The following CTNNA3 variants were observed in gnomAD, a reference collection of about 807,000 sequenced individuals.
CTNNA3 encodes catenin alpha 3.
Under a neutral mutation model 95.7 loss-of-function variants are expected in CTNNA3, and 76 were observed. The ratio of observed to expected loss-of-function variants is 0.79; its 90% CI spans 0.66 to 0.96. CTNNA3 has a LOEUF of 0.96. CTNNA3 is among the 40% of genes least tolerant of loss of function. The pLI, the probability that CTNNA3 is intolerant of heterozygous loss-of-function variation, is 0.00. For synonymous variants in CTNNA3, 431 were observed against 374.4 expected, an observed-to-expected ratio of 1.15 and a Z score of -1.74; for missense variants, 1,191 against 1,089.8, an observed-to-expected ratio of 1.09 and a Z score of -1.31.
intron 13 of CTNNA3, among the ~76,000 whole-genome samples, chr10:66,276,841 C>A (rs2091408688): frequency 1.3e-5 from 2 of 152,104 alleles, no homozygotes; most frequent in African/African-American, 2.4e-5. Flanking sequence ...TTAAGCATTT[C>A]ATTTCTATTA....
At chr10:66,998,997 G>A (rs1272369536) in intron 7 of CTNNA3, among the ~76,000 whole-genome samples, 1 of 152,032 alleles carries the variant, frequency 6.6e-6, no homozygotes, top group Non-Finnish European at 1.5e-5. Context: ...CAGAACTTCT[G>A]TGCATATAAG....
chr10:67,050,665 A>G (rs1272230558), intron 7 of CTNNA3, among the ~76,000 whole-genome samples: 9 of 152,178 alleles, frequency 5.9e-5, no homozygotes, highest in African/African-American at 2.2e-4. Context: ...CCTGCATGGA[A>G]TTTAAACTAC....
rs1009649164 is a variant in CTNNA3, at chr10:66,172,593, T to C, written c.1885-69344A>G. On this transcript the variant is annotated intron_variant, in intron 13 of 17. Coordinates refer to ENST00000433211, the MANE Select transcript of CTNNA3 (RefSeq NM_013266.4). ...GATGACCATTATTTGCGAGAAAATT[T>C]CCAGGTAATTTTTCATTCATTGCAT... 8.5e-5 allele frequency among the ~76,000 whole-genome samples: 13 copies of C among 152,280 alleles called. No homozygotes were observed. The Middle Eastern group carries it at 0.017, about 199-fold the overall frequency.
chr10:66,290,248 T>C (rs946015765), intron 12 of CTNNA3, among the ~76,000 whole-genome samples: 4 of 152,060 alleles, frequency 2.6e-5, no homozygotes, highest in African/African-American at 9.6e-5. Flanking sequence ...GCAATAAGCT[T>C]TAAAACAAGG....
chr10:66,388,226 G>A (rs2092908662), intron 11 of CTNNA3, among the ~76,000 whole-genome samples: 1 of 152,144 alleles, frequency 6.6e-6, no homozygotes, highest in East Asian at 1.9e-4. Context: ...TTATATTGTA[G>A]AGCTATTTTC....
chr10:67,074,799 T>A (rs1415487212), intron 7 of CTNNA3, among the ~76,000 whole-genome samples: 1 of 151,240 alleles, frequency 6.6e-6, no homozygotes, highest in Admixed American at 6.6e-5. Context: ...CTTAATATTA[T>A]GAACATAACA....
At chr10:66,292,987 T>C (rs2091710819) in intron 12 of CTNNA3, among the ~76,000 whole-genome samples, 1 of 152,182 alleles carries the variant, frequency 6.6e-6, no homozygotes, top group African/African-American at 2.4e-5. Context: ...TATCCTTCTA[T>C]GCATTGTGTT....
intron 10 of CTNNA3, among the ~76,000 whole-genome samples, chr10:66,525,341 C>A (rs1366912012): frequency 6.6e-6 from 1 of 152,042 alleles, no homozygotes; most frequent in Non-Finnish European, 1.5e-5. Flanking sequence ...CACCACTGTT[C>A]CAAACACTTT....
chr10:66,146,349 A>C (rs913131033), intron 13 of CTNNA3, among the ~76,000 whole-genome samples: 1 of 152,194 alleles, frequency 6.6e-6, no homozygotes, highest in African/African-American at 2.4e-5. Flanking sequence ...CCTCAGTAGA[A>C]TATGATCTGG....
At chr10:66,089,856 G>T (rs1242132351) in intron 14 of CTNNA3, among the ~76,000 whole-genome samples, 1 of 151,726 alleles carries the variant, frequency 6.6e-6, no homozygotes, top group Non-Finnish European at 1.5e-5. Context: ...GGCACTCTTG[G>T]TGCTTCTTAC....
chr10:66,851,143 A>G (rs1843469681), intron 7 of CTNNA3, among the ~76,000 whole-genome samples: 3 of 152,070 alleles, frequency 2.0e-5, no homozygotes, highest in African/African-American at 7.2e-5. Flanking sequence ...ATTATTGCCT[A>G]TCTGAGCCCT....
rs572078160 is a variant in CTNNA3, at chr10:65,960,268, G to A, written c.2400+6344C>T. On this transcript the variant is annotated intron_variant, in intron 17 of 17. Coordinates refer to ENST00000433211, the MANE Select transcript of CTNNA3 (RefSeq NM_013266.4). ...TTCAGGGGGTACGGCTGGGTGCAGC[G>A]GCTCACACCTGTAATCCCAGCACTT... Among the ~76,000 whole-genome samples the A allele has an allele frequency of 1.9e-4, 29 of 150,314 alleles. No individual in the cohort carries two copies. In the South Asian group the frequency reaches 4.7e-3, roughly 24 times the overall value.
intron 7 of CTNNA3, among the ~76,000 whole-genome samples, chr10:67,069,795 A>G (rs1856332943): frequency 1.3e-5 from 2 of 152,126 alleles, no homozygotes; most frequent in African/African-American, 4.8e-5. Context: ...TACTGTATGA[A>G]TATTCAAATT....
chr10:67,580,428 G>T (rs1299504553), intron 3 of CTNNA3, among the ~76,000 whole-genome samples: 1 of 151,290 alleles, frequency 6.6e-6, no homozygotes, highest in Non-Finnish European at 1.5e-5. Context: ...TCCCTGTTTT[G>T]GTACCAGTAC....
chr10:67,370,605 T>C (rs1843389639), intron 5 of CTNNA3, among the ~76,000 whole-genome samples: 1 of 152,158 alleles, frequency 6.6e-6, no homozygotes, highest in Admixed American at 6.6e-5. Flanking sequence ...TATTGTTAAT[T>C]TCCCTTCATG....
intron 17 of CTNNA3, among the ~76,000 whole-genome samples, chr10:65,961,010 T>C (rs1292378661): frequency 6.6e-6 from 1 of 152,200 alleles, no homozygotes; most frequent in Non-Finnish European, 1.5e-5. Flanking sequence ...CGTTCTAACA[T>C]CACATTCTCT....
intron 5 of CTNNA3, among the ~76,000 whole-genome samples, chr10:67,475,332 T>C (rs1000452562): frequency 2.6e-5 from 4 of 152,220 alleles, no homozygotes; most frequent in Non-Finnish European, 4.4e-5. Context: ...ATATTTTTAT[T>C]GTGGTGGTAG....
intron 5 of CTNNA3, among the ~76,000 whole-genome samples, chr10:67,477,817 C>A (rs1848075068): frequency 6.6e-6 from 1 of 152,170 alleles, no homozygotes; most frequent in African/African-American, 2.4e-5. Flanking sequence ...CACACTAGCT[C>A]TCCAGCAATG....
chr10:66,037,457 A>G (rs545014787), intron 15 of CTNNA3, among the ~76,000 whole-genome samples: 9 of 152,348 alleles, frequency 5.9e-5, no homozygotes, highest in African/African-American at 2.2e-4. Context: ...ATCATAATTC[A>G]GCCCATTCTC....
Sources: gnomAD v4.1 joint callset for allele counts (sites outside exome capture counted in the v4.1 genomes callset) on GRCh38, gnomAD v4.1.1 for gene constraint, MANE v1.5 for transcripts, NCBI Gene and HGNC (gene_info 2026-07-23, HGNC 2026-07-21) for gene names.